Variants in MYPN observed in about 807,000 individuals in gnomAD.
MYPN encodes myopalladin.
A neutral mutation model predicts 129.4 loss-of-function variants in MYPN; 63 were observed. The observed-to-expected ratio is 0.49, with a 90% CI of 0.40 to 0.60. The LOEUF is 0.60. Ranked by LOEUF, MYPN falls within the 20% of genes least tolerant of loss-of-function variation. The pLI, the probability that MYPN is intolerant of heterozygous loss-of-function variation, is 0.00. For synonymous variants in MYPN, 629 were observed against 600.9 expected (o/e 1.05, Z -0.68); for missense variants, 1,596 against 1,635.4 (o/e 0.98, Z 0.42).
chr10:68,089,344 A>G (rs915049307), intron 1 of MYPN, among the ~76,000 whole-genome samples: 3 of 146,886 alleles, frequency 2.0e-5, no homozygotes, highest in Non-Finnish European at 4.5e-5. Flanking sequence ...TTTTTTGTTT[A>G]TTTGTTTGTT....
At chr10:68,183,913 T>C (rs183314853) in intron 12 of MYPN, among the ~76,000 whole-genome samples, 2 of 152,226 alleles carry the variant, frequency 1.3e-5, no homozygotes, top group Admixed American at 1.3e-4. Flanking sequence ...TCTCTGCTAC[T>C]TGGGAGGCCA....
rs1031053246 is a variant in MYPN at position 68,129,307 on chromosome 10, A to T, written c.902+6967A>T. On this transcript the variant is annotated intron_variant, in intron 2 of 19. Transcript: ENST00000358913. ...AGGTTTTCATAATGAAAATATTTTT[A>T]AAAATAATATTAGTAACTTTTACAT... 3.9e-5 allele frequency among the ~76,000 whole-genome samples: 6 copies of T among 152,240 alleles called. No homozygotes were observed. The East Asian group carries it at 9.6e-4, about 24-fold the overall frequency.
intron 12 of MYPN, among the ~76,000 whole-genome samples, chr10:68,177,289 T>C (rs1475410567): frequency 6.6e-6 from 1 of 152,198 alleles, no homozygotes. Context: ...GGAAAGTCTC[T>C]AAAAGCACCT....
At chr10:68,089,180 C>T (rs10740282) in intron 1 of MYPN, among the ~76,000 whole-genome samples, 22,571 of 151,892 alleles carry the variant, frequency 0.15, 2,894 homozygotes, top group East Asian at 0.72. Context: ...TACAGACATG[C>T]GCCACAGTGC....
upstream of MYPN, among the ~76,000 whole-genome samples, chr10:68,102,962 T>G (rs945155026): frequency 4.6e-5 from 7 of 152,208 alleles, no homozygotes; most frequent in African/African-American, 1.7e-4. Flanking sequence ...GGAAAGGAGA[T>G]CTAAGATATT....
Position 68,190,594 on chromosome 10 carries a change from C to T in MYPN, c.2925+1468C>T, listed in dbSNP as rs554655301. Among the ~76,000 whole-genome samples the T allele has an allele frequency of 2.0e-5, 3 of 152,278 alleles. No individual in the cohort carries two copies. The South Asian group carries it at 6.2e-4, about 32-fold the overall frequency. ...TATATTCTGGTTAGTAATCCCTTGT[C>T]AGATGGATACTTTGCAAATATTTTC... is the stretch of plus-strand genomic sequence containing the variant. On this transcript the variant is annotated intron_variant, in intron 13 of 19. Coordinates refer to ENST00000358913, the MANE Select transcript of MYPN (RefSeq NM_032578.4).
chr10:68,195,466 C>G lies in MYPN; in HGVS notation c.3092C>G (p.Ser1031Cys). 3 of 1,613,952 alleles carry G rather than the reference C, an allele frequency of 1.9e-6. No homozygotes were observed. Among genetic ancestry groups the G allele is most frequent in the Non-Finnish European group, 2.5e-6 (3 of 1,179,898 alleles). Residue 1031 changes from serine (S) to cysteine (C), a missense_variant, in exon 15 of 20, where the codon TCT (serine) becomes TGT (cysteine). By Grantham distance (112) the Ser-to-Cys change is moderately radical (BLOSUM62 -1). Coordinates refer to ENST00000358913, the MANE Select transcript of MYPN (RefSeq NM_032578.4). ...AANPQGRISC[S>C]GHLMVQSLPI... ...GTTTGTCAGGGGAGAATCAGCTGTT[C>G]TGGCCACTTGATGGTACAAAGTTTG... is the stretch of plus-strand genomic sequence containing the variant.
chr10:68,119,414 TTTA>T (rs2042208141), intron 1 of MYPN, among the ~76,000 whole-genome samples: 1 of 119,876 alleles, frequency 8.3e-6, no homozygotes, highest in Non-Finnish European at 1.8e-5. Flanking sequence ...TATTTATTTA[TTTA>T]TTTATTTATT....
In MYPN at chr10:68,127,743, C is replaced by G. The variant is rs77411096; in HGVS notation, c.902+5403C>G. Among the ~76,000 whole-genome samples the G allele has an allele frequency of 9.9e-3, 1,512 of 152,182 alleles. 38 individuals carry two copies. The highest frequency in any genetic ancestry group is 0.096 in the East Asian group (495 of 5,174). The stretch of plus-strand genomic sequence containing the variant: ...TTGTTCGCCACTGAAACTTTTGAGG[C>G]ATCTCCACAGGACCCAGGAAAACAG... On this transcript the variant is annotated intron_variant, in intron 2 of 19. Coordinates refer to ENST00000358913, the MANE Select transcript of MYPN (RefSeq NM_032578.4).
chr10:68,095,452 A>C (rs530007685), intron 1 of MYPN, among the ~76,000 whole-genome samples: 1 of 152,096 alleles, frequency 6.6e-6, no homozygotes, highest in East Asian at 1.9e-4. Context: ...GCAAGGTGGG[A>C]GAGCCTATCA....
chr10:68,091,395 T>C (rs1441313184), intron 1 of MYPN, among the ~76,000 whole-genome samples: 1 of 93,752 alleles, frequency 1.1e-5, no homozygotes, highest in African/African-American at 6.9e-5. Context: ...CTACAGCCCT[T>C]TTTTTTTTTT....
At position 68,142,979 on chromosome 10, in the gene MYPN, T is replaced by C; in HGVS notation, c.942T>C (p.Asp314=). The change falls in exon 3 of 20, where the codon GAT becomes GAC. Residue 314 remains aspartate (D), a synonymous_variant. Transcript: ENST00000358913. Reference sequence around the variant, plus strand: ...GCAAGGAGCTTGAAAATTCCCCAGATATTCACATCGTCCAGGCAGGAAATC... The same window carrying C: ...GCAAGGAGCTTGAAAATTCCCCAGACATTCACATCGTCCAGGCAGGAAATC... ...CEGKELENSP[D]IHIVQAGNLH... is the part of the protein sequence containing the mutation. The C allele has an allele frequency of 6.2e-7, 1 of 1,614,150 alleles. No homozygotes were observed. Among genetic ancestry groups the C allele is most frequent in the East Asian group, 2.2e-5 (1 of 44,876 alleles).
intron 13 of MYPN, among the ~76,000 whole-genome samples, chr10:68,193,450 A>T (rs1416799356): frequency 6.6e-6 from 1 of 152,178 alleles, no homozygotes; most frequent in South Asian, 2.1e-4. Flanking sequence ...TGTCTGCTTA[A>T]TATCTATTTA....
chr10:68,090,831 TG>T (rs2041927341), intron 1 of MYPN, among the ~76,000 whole-genome samples: 1 of 152,222 alleles, frequency 6.6e-6, no homozygotes, highest in Non-Finnish European at 1.5e-5. Flanking sequence ...GTTGGTTGAC[TG>T]TCATAAGACC....
chr10:68,087,975 C>T (rs2041914865), exon 1 of MYPN, among the ~76,000 whole-genome samples: 1 of 152,178 alleles, frequency 6.6e-6, no homozygotes, highest in East Asian at 1.9e-4. Flanking sequence ...TTTGGAGCTC[C>T]ACTGCTGTTT....
chr10:68,169,774 C>A (rs1440126893), intron 10 of MYPN, among the ~76,000 whole-genome samples: 1 of 150,994 alleles, frequency 6.6e-6, no homozygotes, highest in African/African-American at 2.4e-5. Flanking sequence ...GAGTCTTGCT[C>A]TGTCACCCAG....
intron 12 of MYPN, among the ~76,000 whole-genome samples, chr10:68,176,071 GT>G (rs1398257783): frequency 6.6e-6 from 1 of 152,078 alleles, no homozygotes; most frequent in Non-Finnish European, 1.5e-5. Flanking sequence ...GAATTCTGGG[GT>G]TCTAAGCTGT....
At chr10:68,203,542 T>C (rs2043754232) in intron 18 of MYPN, among the ~76,000 whole-genome samples, 1 of 151,938 alleles carries the variant, frequency 6.6e-6, no homozygotes. Context: ...TGAGCCATGA[T>C]CATGCCATTG....
Position 68,197,263 on chromosome 10 carries a change from C to G in MYPN, c.3159-89C>G, listed in dbSNP as rs192050980. 120 of 1,478,126 alleles carry G rather than the reference C, an allele frequency of 8.1e-5. No homozygotes were observed. In the African/African-American group the frequency reaches 1.4e-3, roughly 18 times the overall value. 91.6% of individuals were successfully genotyped at this position (1,478,126 alleles called of 1,614,324 possible). ...CCTTCAAAAAAAAAAAATCTGTTCT[C>G]TAGGTCTGTAGCCATGCCTAAATGC... is the stretch of plus-strand genomic sequence containing the variant. On this transcript the variant is annotated intron_variant, in intron 15 of 19. Transcript: ENST00000358913.
Sources: gnomAD v4.1 joint callset for allele counts (sites outside exome capture counted in the v4.1 genomes callset) on GRCh38, gnomAD v4.1.1 for gene constraint, MANE v1.5 for transcripts, NCBI Gene and HGNC (gene_info 2026-07-23, HGNC 2026-07-21) for gene names.